Variants in SLC33A2 observed in about 807,000 individuals in gnomAD.
The protein encoded by SLC33A2 is solute carrier family 33 member 2, also known as major facilitator superfamily domain containing 3.
chr8:144,509,129 C>T, the SLC33A2 span: 1 of 500,456 alleles, frequency 2.0e-6, no homozygotes, highest in East Asian at 3.5e-5. Context: ...CCGTTTGGAC[C>T]CGACTTCGGT....
At chr8:144,509,226 C>G in the SLC33A2 span, 73 of 1,197,906 alleles carry the variant, frequency 6.1e-5, no homozygotes, top group South Asian at 1.0e-3. Context: ...GGTCCCAGAA[C>G]CAAAGCCATG....
chr8:144,509,752 T>A, the SLC33A2 span: 1 of 1,565,594 alleles, frequency 6.4e-7, no homozygotes. Flanking sequence ...ACCGTGCAGG[T>A]GGTCGCGTAC....
At chr8:144,510,092 A>AC in the SLC33A2 span, 1 of 1,489,818 alleles carries the variant, frequency 6.7e-7, no homozygotes, top group Non-Finnish European at 9.0e-7. Flanking sequence ...GGGGCTTGCA[A>AC]CCCATTACAG....
the SLC33A2 span, chr8:144,509,839 T>C: frequency 3.3e-6 from 5 of 1,537,792 alleles, no homozygotes; most frequent in Non-Finnish European, 4.4e-6. Context: ...CTCTTTCTGC[T>C]CCTGGCTGCC....
chr8:144,509,875 C>A, the SLC33A2 span: 3 of 1,543,586 alleles, frequency 1.9e-6, no homozygotes, highest in East Asian at 4.8e-5. Context: ...GCGGCCCTGG[C>A]CTGGGCTGCA....
the SLC33A2 span, chr8:144,510,260 CACTGAGGAGAGCAGGGCAGG>C: frequency 6.5e-7 from 1 of 1,536,870 alleles, no homozygotes; most frequent in Non-Finnish European, 8.8e-7. Context: ...AGCTCTGGAA[CACTGAGGAGAGCAGGGCAGG>C]ACTGAGGGCC....
chr8:144,509,428 C>G, the SLC33A2 span: 1 of 1,531,984 alleles, frequency 6.5e-7, no homozygotes, highest in Non-Finnish European at 8.7e-7. Flanking sequence ...CTGCTGCGTG[C>G]CGGCGGCCTC....
At chr8:144,509,235 T>A in the SLC33A2 span, 2 of 1,244,934 alleles carry the variant, frequency 1.6e-6, no homozygotes, top group Non-Finnish European at 1.1e-6. Context: ...ACCAAAGCCA[T>A]GCCGGGGTGT....
the SLC33A2 span, chr8:144,510,912 A>C: frequency 8.1e-6 from 13 of 1,603,360 alleles, no homozygotes; most frequent in South Asian, 1.3e-4. Context: ...AGGTGAGTAG[A>C]TGTAGCAGGG....
At chr8:144,509,483 G>T in the SLC33A2 span, 4 of 1,535,652 alleles carry the variant, frequency 2.6e-6, no homozygotes, top group Non-Finnish European at 3.5e-6. Flanking sequence ...ACGCTCCGTG[G>T]CTGCTCAAGC....
At chr8:144,511,146 AC>A in the SLC33A2 span, 1 of 1,610,178 alleles carries the variant, frequency 6.2e-7, no homozygotes. Context: ...TGGACCTAGC[AC>A]CCAGCACCTT....
chr8:144,509,402 C>T, the SLC33A2 span: 5 of 1,527,086 alleles, frequency 3.3e-6, no homozygotes, highest in Non-Finnish European at 4.4e-6. Context: ...GGCTCCAGTC[C>T]GGCCTCCTGC....
At chr8:144,509,677 A>G in the SLC33A2 span, 1 of 1,558,020 alleles carries the variant, frequency 6.4e-7, no homozygotes. Flanking sequence ...GCCGCCATGC[A>G]GGATGTGGCC....
chr8:144,511,172 G>C, the SLC33A2 span: 1 of 1,606,830 alleles, frequency 6.2e-7, no homozygotes, highest in Non-Finnish European at 8.5e-7. Context: ...TGAGCTGAGT[G>C]GCTGGAGTGG....
the SLC33A2 span, chr8:144,510,340 TG>T: frequency 6.2e-7 from 1 of 1,610,556 alleles, no homozygotes; most frequent in Admixed American, 1.7e-5. Context: ...CCCGTGCTCA[TG>T]CCCCCCCCAC....
chr8:144,510,637 C>T, the SLC33A2 span: 35 of 1,562,682 alleles, frequency 2.2e-5, no homozygotes, highest in Non-Finnish European at 2.6e-5. Context: ...TGCGCTTCCG[C>T]CTCGGGGGCC....
At chr8:144,510,422 G>T in the SLC33A2 span, 1 of 1,612,704 alleles carries the variant, frequency 6.2e-7, no homozygotes, top group East Asian at 2.2e-5. Flanking sequence ...TTCTGCTCCC[G>T]AGTTGGGACT....
At chr8:144,510,748 G>A in the SLC33A2 span, 2 of 1,604,848 alleles carry the variant, frequency 1.2e-6, no homozygotes, top group Non-Finnish European at 1.7e-6. Context: ...TGAGGAGGAA[G>A]AGAGGGGCCA....
At chr8:144,509,092 G>GGCCGCCGGTGTCCGGACCGCTC in the SLC33A2 span, 1 of 434,398 alleles carries the variant, frequency 2.3e-6, no homozygotes, top group Non-Finnish European at 4.0e-6. Context: ...GGGAGCCGCC[G>GGCCGCCGGTGTCCGGACCGCTC]GCCGCCGGTG....
Sources: allele counts gnomAD v4.1 joint callset, GRCh38; gene constraint gnomAD v4.1.1; transcripts MANE v1.5; gene names NCBI Gene and HGNC (gene_info 2026-07-23, HGNC 2026-07-21).